The following RTN4IP1 variants were observed in gnomAD, a reference collection of about 807,000 sequenced individuals.
RTN4IP1 encodes the protein reticulon 4 interacting protein 1.
A neutral mutation model predicts 46.6 loss-of-function variants in RTN4IP1; 32 were observed. That is an observed-to-expected ratio of 0.69 (90% CI 0.52 to 0.92). RTN4IP1 has a LOEUF of 0.92. Among genes scored for constraint, RTN4IP1 ranks in the 40% least tolerant of loss-of-function variants. The pLI, the probability that RTN4IP1 is intolerant of heterozygous loss-of-function variation, is 0.00. For synonymous variants in RTN4IP1, 167 were observed against 161.8 expected, an observed-to-expected ratio of 1.03 and a Z score of -0.24; for missense variants, 424 against 485.8, an observed-to-expected ratio of 0.87 and a Z score of 1.20.
intron 1 of RTN4IP1, 127 bp downstream of exon 1, chr6:106,628,621 G>C (rs892981355): frequency 1.1e-6 from 1 of 879,886 alleles, no homozygotes; most frequent in African/African-American, 1.7e-5. Flanking sequence ...AATATTTGCA[G>C]AGGTATTGTT....
chr6:106,572,657 C>T (rs897487246), intron 8 of RTN4IP1, among the ~76,000 whole-genome samples: 7 of 152,206 alleles, frequency 4.6e-5, no homozygotes, highest in Admixed American at 6.5e-5. Flanking sequence ...GTACTTGTTA[C>T]AGCTGAGTAC....
chr6:106,629,639 C>T (rs369690951), upstream of RTN4IP1: 90 of 1,583,422 alleles, frequency 5.7e-5, no homozygotes, highest in Non-Finnish European at 7.5e-5. Context: ...CCTCTTTTTC[C>T]CCCTTGCCTG....
rs748218292 is a variant in RTN4IP1 at position 106,583,438 on chromosome 6, A to G, written c.991-18T>C. 1.9e-6 allele frequency: 3 copies of G among 1,582,848 alleles called. No homozygotes were observed. The African/African-American group carries it at 4.0e-5, about 21-fold the overall frequency. On this transcript the variant is annotated intron_variant, in intron 7 of 8. Transcript: ENST00000369063. Reference sequence around the variant, plus strand: ...CAGAAATGCTAAAAAGAAGAAAACAAAACATGTCAAATACAGAAAAACATA... The same window carrying G: ...CAGAAATGCTAAAAAGAAGAAAACAGAACATGTCAAATACAGAAAAACATA...
chr6:106,606,178 T>A (rs928488104), intron 4 of RTN4IP1, among the ~76,000 whole-genome samples: 1 of 152,146 alleles, frequency 6.6e-6, no homozygotes, highest in African/African-American at 2.4e-5. Context: ...TCCCAACACT[T>A]CAGGAGGCTG....
At chr6:106,575,825 T>C (rs1775212896) in intron 8 of RTN4IP1, among the ~76,000 whole-genome samples, 1 of 152,246 alleles carries the variant, frequency 6.6e-6, no homozygotes, top group Non-Finnish European at 1.5e-5. Context: ...CATTACTGCA[T>C]GGAATGGATG....
chr6:106,626,349 GA>G (rs896463269), intron 1 of RTN4IP1, among the ~76,000 whole-genome samples: 33 of 146,898 alleles, frequency 2.2e-4, no homozygotes, highest in East Asian at 1.6e-3. Flanking sequence ...CTCTGTCAGG[GA>G]AAAAAAAAAC....
At chr6:106,580,555 C>T (rs959890444) in intron 8 of RTN4IP1, among the ~76,000 whole-genome samples, 1 of 151,912 alleles carries the variant, frequency 6.6e-6, no homozygotes, top group Admixed American at 6.6e-5. Flanking sequence ...CCCATCTCTA[C>T]TAAAAATACA....
intron 4 of RTN4IP1, among the ~76,000 whole-genome samples, chr6:106,610,509 C>T (rs1394600637): frequency 6.6e-6 from 1 of 152,224 alleles, no homozygotes; most frequent in Non-Finnish European, 1.5e-5. Context: ...CCCAATGGCC[C>T]TTCACTTAAG....
rs141623199 is a variant in RTN4IP1, at chr6:106,626,344, T to C, written c.274+2404A>G. On this transcript the variant is annotated intron_variant, in intron 1 of 8. Coordinates refer to ENST00000369063, the MANE Select transcript of RTN4IP1 (RefSeq NM_032730.5). The stretch of plus-strand genomic sequence containing the variant: ...TCTGGGGAGTCAGGATTATACTCTG[T>C]CAGGGAAAAAAAAAACAACTTCACT... Among the ~76,000 whole-genome samples the C allele has an allele frequency of 8.6e-5, 13 of 151,842 alleles. No individual in the cohort carries two copies. In the East Asian group the frequency reaches 2.5e-3, roughly 29 times the overall value.
chr6:106,592,817 T>C (rs1201964187), intron 5 of RTN4IP1, among the ~76,000 whole-genome samples: 3 of 152,040 alleles, frequency 2.0e-5, no homozygotes, highest in Non-Finnish European at 4.4e-5. Context: ...TAATCCCAGC[T>C]ACTTGGGTGG....
intron 2 of RTN4IP1, 116 bp downstream of exon 2, chr6:106,622,702 G>T: frequency 9.7e-7 from 1 of 1,036,086 alleles, no homozygotes. Context: ...GGGAGCAGAA[G>T]CCCCTTAGCT....
At position 106,592,324 on chromosome 6, in the gene RTN4IP1, A is replaced by C. The variant is rs1407674134; in HGVS notation, c.670-24T>G. 4 of 1,605,724 alleles carry C rather than the reference A, an allele frequency of 2.5e-6. No homozygotes were observed. The Admixed American group carries it at 6.9e-5, about 28-fold the overall frequency. On this transcript the variant is annotated intron_variant, in intron 5 of 8. Transcript: ENST00000369063. ...ACCTGCCCCCCACCAAAAAGAAAAAAAGAATAAAAAAGGGAGAGATTAGAA... is the reference window on the plus strand; with the variant it reads ...ACCTGCCCCCCACCAAAAAGAAAAACAGAATAAAAAAGGGAGAGATTAGAA...
At chr6:106,589,293 A>AG (rs776449094) in intron 6 of RTN4IP1, among the ~76,000 whole-genome samples, 3,446 of 106,730 alleles carry the variant, frequency 0.032, 208 homozygotes, top group East Asian at 0.12. Context: ...GAAGAAAGAG[A>AG]AGAAGAAGAG....
At chr6:106,601,948 T>C (rs190228631) in intron 5 of RTN4IP1, among the ~76,000 whole-genome samples, 1 of 152,214 alleles carries the variant, frequency 6.6e-6, no homozygotes, top group East Asian at 1.9e-4. Context: ...TGATGTGAGG[T>C]AGGGGCTCAA....
At chr6:106,597,899 T>C (rs1332038266) in intron 5 of RTN4IP1, among the ~76,000 whole-genome samples, 1 of 152,004 alleles carries the variant, frequency 6.6e-6, no homozygotes, top group Admixed American at 6.6e-5. Context: ...CCTGTGTCCA[T>C]GTGATCTCAT....
chr6:106,592,218 T>C lies in RTN4IP1; in HGVS notation c.752A>G (p.Asp251Gly). 1.2e-6 allele frequency: 2 copies of C among 1,614,126 alleles called. No individual in the cohort carries two copies. Among genetic ancestry groups the C allele is most frequent in the South Asian group, 1.1e-5 (1 of 91,076 alleles). ...ACTTCCAGATTTGTAATCAATTACA[T>C]CGTCTGCACCAAGCTTCCTTACAAG... ...SELVRKLGAD[D>G]VIDYKSGSVE... is the part of the protein sequence containing the mutation. Residue 251 changes from aspartate to glycine, a missense_variant, in exon 6 of 9, where the codon GAT becomes GGT. Physicochemically the swap from Asp to Gly is moderately conservative, Grantham distance 94 (BLOSUM62 -1). Transcript: ENST00000369063.
chr6:106,628,643 T>A, intron 1 of RTN4IP1, 105 bp downstream of exon 1: 1 of 1,094,658 alleles, frequency 9.1e-7, no homozygotes, highest in Middle Eastern at 2.5e-4. Context: ...AAAACCTAAA[T>A]GATTCATTTA....
In RTN4IP1 at chr6:106,587,796, T is replaced by C. The variant is rs376603815; in HGVS notation, c.873A>G (p.Lys291=). ...AAGTCACATAGGTGGCTCCTGACCATTTCTTGAGAAAATCTGGAGCCCATG... is the reference window on the plus strand; with the variant it reads ...AAGTCACATAGGTGGCTCCTGACCACTTCTTGAGAAAATCTGGAGCCCATG... ...TETWAPDFLK[K]WSGATYVTLV... Residue 291 remains lysine, a synonymous_variant, in exon 7 of 9, where the codon AAA becomes AAG. Transcript: ENST00000369063. 31 of 1,613,824 alleles carry C rather than the reference T, an allele frequency of 1.9e-5. No homozygotes were observed. The highest frequency in any genetic ancestry group is 2.6e-5 in the Non-Finnish European group (31 of 1,179,960).
chr6:106,630,054 T>C (rs1231260710), upstream of RTN4IP1, among the ~76,000 whole-genome samples: 1 of 152,202 alleles, frequency 6.6e-6, no homozygotes, highest in Non-Finnish European at 1.5e-5. Context: ...CCCCGACACT[T>C]AGCTGCAGTT....
Sources: gnomAD v4.1 joint callset for allele counts (sites outside exome capture counted in the v4.1 genomes callset) on GRCh38, gnomAD v4.1.1 for gene constraint, MANE v1.5 for transcripts, NCBI Gene and HGNC (gene_info 2026-07-23, HGNC 2026-07-21) for gene names.